Variants in MEIKIN observed in about 807,000 individuals in gnomAD.
MEIKIN encodes meiosis-specific kinetochore protein.
At chr5:131,927,916 C>T (rs1035919537) in intron 5 of MEIKIN, among the ~76,000 whole-genome samples, 42 of 151,974 alleles carry the variant, frequency 2.8e-4, no homozygotes, top group South Asian at 8.3e-4. Flanking sequence ...GAGTCCGAGA[C>T]GGGCGGATCA....
intron 4 of MEIKIN, among the ~76,000 whole-genome samples, chr5:131,940,019 T>C (rs1353563658): frequency 1.3e-5 from 2 of 152,244 alleles, no homozygotes; most frequent in Non-Finnish European, 2.9e-5. Context: ...AGATAAAAGA[T>C]AGTGCTAATT....
At chr5:131,936,442 C>T (rs1751778009) in intron 4 of MEIKIN, among the ~76,000 whole-genome samples, 1 of 152,162 alleles carries the variant, frequency 6.6e-6, no homozygotes, top group African/African-American at 2.4e-5. Context: ...TATGACTATT[C>T]AAATATACTC....
chr5:131,872,409 C>T (rs57632062), intron 9 of MEIKIN, among the ~76,000 whole-genome samples: 4,054 of 151,618 alleles, frequency 0.027, 189 homozygotes, highest in African/African-American at 0.093. Context: ...TGATGGAAGA[C>T]GAAATGAATG....
At chr5:131,813,255 T>C (rs1053512558) in intron 12 of MEIKIN, among the ~76,000 whole-genome samples, 1 of 152,194 alleles carries the variant, frequency 6.6e-6, no homozygotes, top group Non-Finnish European at 1.5e-5. Context: ...AATGGTTCTC[T>C]ATGATATGCA....
At position 131,937,044 on chromosome 5, in the gene MEIKIN, C is replaced by T. The variant is rs552356368; in HGVS notation, c.350-3403G>A. 2.0e-5 allele frequency among the ~76,000 whole-genome samples: 3 copies of T among 152,104 alleles called. No individual in the cohort carries two copies. The South Asian group carries it at 6.2e-4, about 32-fold the overall frequency. On this transcript the variant is annotated intron_variant, in intron 4 of 12. Transcript: ENST00000442687. ...TTTGCTCAAATTTGGACTGTTTGTC[C>T]TCTATGCATCCTACACAGTTGTTTT... is the stretch of plus-strand genomic sequence containing the variant.
At chr5:131,914,537 GGGGAAGGGGAAGGGGGAAGA>G (rs1183601609) in intron 7 of MEIKIN, among the ~76,000 whole-genome samples, 1 of 138,436 alleles carries the variant, frequency 7.2e-6, no homozygotes, top group East Asian at 2.2e-4. Context: ...GGGGAGGGGA[GGGGAAGGGGAAGGGGGAAGA>G]GGGAAGGGGG....
intron 11 of MEIKIN, among the ~76,000 whole-genome samples, chr5:131,843,852 C>A (rs780799412): frequency 6.6e-6 from 1 of 152,186 alleles, no homozygotes; most frequent in Non-Finnish European, 1.5e-5. Context: ...TTTCAGGTAC[C>A]TTTATAGCAA....
At chr5:131,854,253 T>A (rs955378761) in intron 10 of MEIKIN, among the ~76,000 whole-genome samples, 5 of 152,180 alleles carry the variant, frequency 3.3e-5, no homozygotes, top group African/African-American at 1.2e-4. Flanking sequence ...ACAAATACTG[T>A]ATGGTTCCAC....
At chr5:131,887,933 C>T (rs905517892) in intron 8 of MEIKIN, among the ~76,000 whole-genome samples, 16 of 134,526 alleles carry the variant, frequency 1.2e-4, no homozygotes, top group Admixed American at 9.9e-4. Flanking sequence ...CTGTTCAATT[C>T]CCACCTATGA....
At chr5:131,927,784 C>A (rs997729022) in intron 5 of MEIKIN, among the ~76,000 whole-genome samples, 2 of 152,270 alleles carry the variant, frequency 1.3e-5, no homozygotes, top group African/African-American at 4.8e-5. Context: ...ACCCTCCTCT[C>A]TTTTGGTTAC....
chr5:131,856,786 AAT>A (rs144497350), intron 9 of MEIKIN, among the ~76,000 whole-genome samples: 160 of 150,152 alleles, frequency 1.1e-3, no homozygotes, highest in African/African-American at 3.0e-3. Flanking sequence ...GATTTGTTAA[AAT>A]ATATATATAT....
intron 11 of MEIKIN, among the ~76,000 whole-genome samples, chr5:131,845,794 G>T (rs567946313): frequency 9.2e-5 from 14 of 152,140 alleles, no homozygotes; most frequent in African/African-American, 2.9e-4. Flanking sequence ...AGAGACCTGT[G>T]GGACACCATC....
At chr5:131,847,863 C>A (rs1750045344) in intron 11 of MEIKIN, among the ~76,000 whole-genome samples, 2 of 151,434 alleles carry the variant, frequency 1.3e-5, no homozygotes, top group Admixed American at 6.6e-5. Context: ...TTAAAAAAAA[C>A]CAGAGTTTGT....
At chr5:131,864,717 G>A (rs776655894) in intron 9 of MEIKIN, among the ~76,000 whole-genome samples, 1 of 152,266 alleles carries the variant, frequency 6.6e-6, no homozygotes, top group African/African-American at 2.4e-5. Flanking sequence ...TGTTGTATCT[G>A]TCTGGGAAAT....
chr5:131,839,746 G>C (rs781515575), intron 11 of MEIKIN, among the ~76,000 whole-genome samples: 42 of 152,130 alleles, frequency 2.8e-4, no homozygotes, highest in Non-Finnish European at 1.6e-4. Context: ...GTATGTCACT[G>C]CATGTGAGAT....
chr5:131,862,389 C>T (rs185691465), intron 9 of MEIKIN, among the ~76,000 whole-genome samples: 45 of 152,076 alleles, frequency 3.0e-4, no homozygotes, highest in African/African-American at 8.4e-4. Flanking sequence ...TTTTGAACAA[C>T]GAACTTTTCA....
chr5:131,828,583 T>C (rs765092060), intron 11 of MEIKIN, among the ~76,000 whole-genome samples: 1 of 152,190 alleles, frequency 6.6e-6, no homozygotes, highest in Non-Finnish European at 1.5e-5. Flanking sequence ...CCAATCTCCA[T>C]ATAACAGATG....
chr5:131,808,674 A>G (rs1347510974), intron 12 of MEIKIN, among the ~76,000 whole-genome samples: 2 of 152,170 alleles, frequency 1.3e-5, no homozygotes, highest in Non-Finnish European at 2.9e-5. Flanking sequence ...TATTTTTTCA[A>G]CTTTGCTCAC....
At chr5:131,908,931 C>A (rs1220898780) in intron 8 of MEIKIN, among the ~76,000 whole-genome samples, 3 of 151,960 alleles carry the variant, frequency 2.0e-5, no homozygotes, top group Non-Finnish European at 4.4e-5. Flanking sequence ...AAGAAGACAG[C>A]AAAAAATTGG....
Sources: gnomAD v4.1 joint callset for allele counts (sites outside exome capture counted in the v4.1 genomes callset) on GRCh38, gnomAD v4.1.1 for gene constraint, MANE v1.5 for transcripts, NCBI Gene and HGNC (gene_info 2026-07-23, HGNC 2026-07-21) for gene names.